NFXL1: variants seen among roughly 807,000 people sequenced by gnomAD.
NFXL1 encodes the protein NF-X1-type zinc finger protein NFXL1.
NFXL1 carries 66 observed loss-of-function variants against 123.3 expected under a neutral mutation model. The observed-to-expected ratio is 0.54, with a 90% confidence interval of 0.44 to 0.66. The LOEUF (loss-of-function observed/expected upper bound fraction) is 0.66. Ranked by LOEUF, NFXL1 falls within the 30% of genes least tolerant of loss-of-function variation. The pLI, the probability that NFXL1 is intolerant of heterozygous loss-of-function variation, is 0.00. For missense variants in NFXL1, 944 were observed against 1,125.6 expected (o/e 0.84, Z 2.31); for synonymous variants, 346 against 360.8 (o/e 0.96, Z 0.46).
At chr4:47,905,697 CCTAAA>C (rs925088668) in intron 3 of NFXL1, among the ~76,000 whole-genome samples, 1 of 137,978 alleles carries the variant, frequency 7.2e-6, no homozygotes, top group African/African-American at 2.7e-5. Flanking sequence ...AAAGGAAAAG[CCTAAA>C]CTAATTAGTA....
intron 18 of NFXL1, among the ~76,000 whole-genome samples, chr4:47,871,181 T>C (rs1313341050): frequency 6.6e-6 from 1 of 151,872 alleles, no homozygotes; most frequent in Non-Finnish European, 1.5e-5. Flanking sequence ...AAACCCTGTC[T>C]CTACTAAAAA....
chr4:47,857,816 G>A (rs969384542), intron 19 of NFXL1, among the ~76,000 whole-genome samples: 5 of 152,050 alleles, frequency 3.3e-5, no homozygotes, highest in Non-Finnish European at 5.9e-5. Flanking sequence ...TTTCTCTCTC[G>A]GGAATCTAAA....
chr4:47,869,981 G>C (rs928960447), intron 18 of NFXL1, among the ~76,000 whole-genome samples: 1 of 151,768 alleles, frequency 6.6e-6, no homozygotes, highest in Non-Finnish European at 1.5e-5. Flanking sequence ...TAATTTCTAA[G>C]GAAAATAATA....
At chr4:47,868,451 GCAAA>G (rs1372509487) in intron 18 of NFXL1, among the ~76,000 whole-genome samples, 1 of 66,376 alleles carries the variant, frequency 1.5e-5, no homozygotes, top group Non-Finnish European at 3.5e-5. Flanking sequence ...AGAAAAAAAG[GCAAA>G]CAAACTCACT....
rs1428393026 is a variant in NFXL1 at position 47,848,176 on chromosome 4, T to C, written c.2723A>G (p.His908Arg). ...TCAAAACTTTTTTTAATTGACATCA[T>C]GGGTGATGTACCAGGCAAACACTAC... Reference protein sequence around the residue: ...VVVVFAWYITHDVN With the variant: ...VVVVFAWYITRDVN The change falls in exon 23 of 23, where the codon CAT (histidine) becomes CGT (arginine). Residue 908 changes from histidine to arginine, a missense_variant. Around this residue, in one of 4 missense-constraint regions of NFXL1, gnomAD observed 301 missense variants for 348.0 expected, o/e 0.86. Transcript: ENST00000507489. 1 of 1,579,968 alleles carries C rather than the reference T, an allele frequency of 6.3e-7. No homozygotes were observed. Among genetic ancestry groups the C allele is most frequent in the East Asian group, 2.3e-5 (1 of 44,412 alleles).
At chr4:47,850,321 T>C (rs1288720626) in intron 22 of NFXL1, among the ~76,000 whole-genome samples, 1 of 152,140 alleles carries the variant, frequency 6.6e-6, no homozygotes, top group South Asian at 2.1e-4. Context: ...ATGTTCCTAA[T>C]TGTTCTAATT....
chr4:47,913,841 G>A, intron 2 of NFXL1, 128 bp downstream of exon 2: 2 of 590,514 alleles, frequency 3.4e-6, no homozygotes, highest in Non-Finnish European at 5.7e-6. Context: ...TGGAGAAGTG[G>A]GCCCGATAAC....
chr4:47,911,488 T>C (rs1737826374), intron 2 of NFXL1, among the ~76,000 whole-genome samples: 1 of 152,198 alleles, frequency 6.6e-6, no homozygotes, highest in African/African-American at 2.4e-5. Context: ...AGTCCAGCCC[T>C]ACCAAAGAGT....
rs1234594226 is a variant in NFXL1 at position 47,894,374 on chromosome 4, AATT to A, written c.1330-75_1330-73del. The A allele has an allele frequency of 1.9e-5, 22 of 1,140,822 alleles. No homozygotes were observed. In the African/African-American group the frequency reaches 2.9e-4, roughly 15 times the overall value. 70.7% of individuals were successfully genotyped at this position (1,140,822 alleles called of 1,614,324 possible). On this transcript the variant is annotated intron_variant, in intron 10 of 22. Coordinates refer to ENST00000507489, the MANE Select transcript of NFXL1 (RefSeq NM_001278624.2). ...TTTTTCCTCACATTGCAACTTCTAC[AATT>A]ATTAAAACATAATGAACAAAAATTT... is the stretch of plus-strand genomic sequence containing the variant.
chr4:47,909,043 T>G (rs1223837075), intron 3 of NFXL1, among the ~76,000 whole-genome samples: 1 of 151,654 alleles, frequency 6.6e-6, no homozygotes, highest in Non-Finnish European at 1.5e-5. Context: ...CAAAATACAT[T>G]AAACATTCCA....
intron 17 of NFXL1, among the ~76,000 whole-genome samples, chr4:47,877,713 T>C (rs1735839235): frequency 6.6e-6 from 1 of 152,086 alleles, no homozygotes; most frequent in African/African-American, 2.4e-5. Flanking sequence ...ACCTATGTTG[T>C]CATGTATTAT....
chr4:47,901,340 T>C (rs995186951), intron 5 of NFXL1, among the ~76,000 whole-genome samples: 8 of 152,218 alleles, frequency 5.3e-5, no homozygotes, highest in African/African-American at 1.9e-4. Flanking sequence ...GCAAAGTATA[T>C]GGCACAGCTG....
At chr4:47,903,369 T>G in intron 4 of NFXL1, 46 bp from the exon 5 acceptor site, 1 of 1,329,254 alleles carries the variant, frequency 7.5e-7, no homozygotes, top group Non-Finnish European at 1.0e-6. Flanking sequence ...TTTTTCTTTG[T>G]TAATTGTAAA....
At chr4:47,871,174 C>A (rs1735403723) in intron 18 of NFXL1, among the ~76,000 whole-genome samples, 1 of 151,976 alleles carries the variant, frequency 6.6e-6, no homozygotes, top group South Asian at 2.1e-4. Flanking sequence ...CATGGTGAAA[C>A]CCTGTCTCTA....
Position 47,847,275 on chromosome 4 carries a change from T to C in NFXL1, c.*888A>G, listed in dbSNP as rs1161736650. The C allele has an allele frequency of 6.6e-6, 1 of 152,142 alleles. No homozygotes were observed. The highest frequency in any genetic ancestry group is 6.5e-5 in the Admixed American group (1 of 15,276). The allele number at this position is 152,142 out of a possible 1,614,324, so 9.4% of individuals were successfully genotyped here. A position where few individuals can be genotyped will look rare whatever the true frequency, so the allele number is the denominator to read the frequency against. ...AAAATTTTAATGAAAACATTAATCA[T>C]ATAAATTAAATAGCAAAACTATTTG... On this transcript the variant is annotated 3_prime_UTR_variant, in exon 23 of 23. Transcript: ENST00000507489.
chr4:47,851,856 C>T lies in NFXL1; in HGVS notation c.2508G>A (p.Glu836=). 6.3e-7 allele frequency: 1 copy of T among 1,585,810 alleles called. No individual in the cohort carries two copies. Residue 836 remains glutamate (E), a splice_region_variant and synonymous_variant, in exon 21 of 23, where the codon GAG becomes GAA. Transcript: ENST00000507489. ...AAAATGATATTTAACGAGACATTAC[C>T]TCAGATGCTTTCCGCTTCATTTCCT... ...TCKEMKRKAS[E]IKEAEAKAAL...
chr4:47,862,821 T>C (rs1329220502), intron 19 of NFXL1, 25 bp downstream of exon 19: 2 of 1,336,060 alleles, frequency 1.5e-6, no homozygotes, highest in East Asian at 4.7e-5. Context: ...AGGAATACAA[T>C]TTAAAAGGTT....
intron 21 of NFXL1, among the ~76,000 whole-genome samples, chr4:47,851,475 G>A (rs2110023717): frequency 6.6e-6 from 1 of 152,164 alleles, no homozygotes; most frequent in Admixed American, 6.6e-5. Flanking sequence ...GCTGTATTAA[G>A]AATCTAGAAT....
In NFXL1 at chr4:47,903,294, T is replaced by C. The variant is rs1737426761; in HGVS notation, c.546A>G (p.Ile182Met). The C allele has an allele frequency of 1.3e-6, 2 of 1,591,116 alleles. No homozygotes were observed. Among genetic ancestry groups the C allele is most frequent in the Non-Finnish European group, 1.7e-6 (2 of 1,169,298 alleles). ...ACTTCTGGATACAGGGCATGTGAAATATACAGAAACATCCCGAACAGCTCC... is the reference window on the plus strand; with the variant it reads ...ACTTCTGGATACAGGGCATGTGAAACATACAGAAACATCCCGAACAGCTCC... The part of the protein sequence containing the change: ...AVWSCSGCFC[I>M]FHMPCIQKWA... The change falls in exon 5 of 23, where the codon ATA becomes ATG. Residue 182 changes from isoleucine to methionine, a missense_variant. Ile to Met is a conservative substitution (Grantham distance 10). Transcript: ENST00000507489.
Sources: allele counts gnomAD v4.1 joint callset (sites outside exome capture counted in the v4.1 genomes callset), GRCh38; gene constraint gnomAD v4.1.1; regional missense constraint gnomAD v4.1.1; transcripts MANE v1.5; gene names NCBI Gene and HGNC (gene_info 2026-07-23, HGNC 2026-07-21).